The following LMLN variants were observed in gnomAD, a reference collection of about 807,000 sequenced individuals.
The protein encoded by LMLN is leishmanolysin-like peptidase.
Under a neutral mutation model 92.3 loss-of-function variants are expected in LMLN, and 70 were observed. That is an observed-to-expected ratio of 0.76 (90% confidence interval 0.63 to 0.92). The LOEUF (loss-of-function observed/expected upper bound fraction) is 0.92, where lower values mean the gene tolerates loss of function less well. Among genes scored for constraint, LMLN ranks in the 40% least tolerant of loss-of-function variants. The probability of loss-of-function intolerance (pLI) is 0.00; values close to 1 mark genes in which losing one functional copy is unlikely to be tolerated. For synonymous variants in LMLN, 308 were observed against 296.2 expected, an observed-to-expected ratio of 1.04 and a Z score of -0.41; for missense variants, 691 against 814.6, an observed-to-expected ratio of 0.85 and a Z score of 1.85.
intron 11 of LMLN, among the ~76,000 whole-genome samples, chr3:198,016,988 G>T (rs906018748): frequency 4.6e-5 from 7 of 152,148 alleles, no homozygotes; most frequent in Admixed American, 1.3e-4. Context: ...TGAGCATGGT[G>T]GCACATGCTT....
At chr3:198,005,989 C>T (rs1391950040) in intron 11 of LMLN, among the ~76,000 whole-genome samples, 7 of 151,986 alleles carry the variant, frequency 4.6e-5, no homozygotes, top group Non-Finnish European at 1.0e-4. Flanking sequence ...TGGTGGTGGG[C>T]GCCTGTAACC....
intron 9 of LMLN, among the ~76,000 whole-genome samples, chr3:197,992,089 CAAAAAAAAAA>C (rs869163432): frequency 0.011 from 710 of 65,642 alleles, 5 homozygotes; most frequent in African/African-American, 0.025. Flanking sequence ...GACCCTGTCT[CAAAAAAAAAA>C]AAAAAAAGAA....
chr3:198,013,477 CCTAA>C (rs1722514059), intron 11 of LMLN, among the ~76,000 whole-genome samples: 1 of 139,298 alleles, frequency 7.2e-6, no homozygotes, highest in Non-Finnish European at 1.5e-5. Context: ...ATCAGAGCCC[CCTAA>C]CTAGTCTGAC....
chr3:198,015,683 C>T (rs1461068541), intron 11 of LMLN, among the ~76,000 whole-genome samples: 1 of 150,380 alleles, frequency 6.6e-6, no homozygotes, highest in African/African-American at 2.5e-5. Context: ...GACTTCCCTC[C>T]ACCCTTCAGA....
intron 11 of LMLN, among the ~76,000 whole-genome samples, chr3:198,003,610 A>G (rs2109906223): frequency 7.7e-6 from 1 of 129,562 alleles, no homozygotes; most frequent in Non-Finnish European, 1.5e-5. Flanking sequence ...GATACATATC[A>G]TACATAGTAA....
intron 11 of LMLN, among the ~76,000 whole-genome samples, chr3:198,002,567 G>A (rs994309505): frequency 1.1e-4 from 17 of 152,164 alleles, no homozygotes; most frequent in African/African-American, 2.4e-4. Flanking sequence ...GTGAAACCCC[G>A]TCTCTACTAA....
At position 197,995,382 on chromosome 3, in the gene LMLN, G is replaced by A. The variant is rs189430657; in HGVS notation, c.1048-793G>A. On this transcript the variant is annotated intron_variant, in intron 9 of 15. Coordinates refer to ENST00000330198, the Ensembl canonical transcript of LMLN. ...ATATTGGACTGAACAGGAAGTTGAC[G>A]CCACTAACACAATGGAATACTATTC... is the stretch of plus-strand genomic sequence containing the variant. 6.7e-3 allele frequency among the ~76,000 whole-genome samples: 1,026 copies of A among 152,226 alleles called. 5 individuals carry two copies. The highest frequency in any genetic ancestry group is 0.018 in the South Asian group (87 of 4,826).
chr3:197,963,778 T>C (rs1720972176), intron 1 of LMLN, among the ~76,000 whole-genome samples: 1 of 152,202 alleles, frequency 6.6e-6, no homozygotes, highest in Admixed American at 6.5e-5. Flanking sequence ...ATGTATTTTT[T>C]CCCCCTTATT....
intron 8 of LMLN, among the ~76,000 whole-genome samples, chr3:197,988,348 T>C (rs1449234309): frequency 6.6e-6 from 1 of 152,062 alleles, no homozygotes; most frequent in African/African-American, 2.4e-5. Flanking sequence ...TTTATTCTAG[T>C]AAATTATTAT....
At chr3:198,008,544 G>A (rs1162411655) in intron 11 of LMLN, among the ~76,000 whole-genome samples, 1 of 152,116 alleles carries the variant, frequency 6.6e-6, no homozygotes, top group Non-Finnish European at 1.5e-5. Flanking sequence ...TGGACAACAT[G>A]GCGAAAGCCC....
intron 11 of LMLN, among the ~76,000 whole-genome samples, chr3:198,009,622 A>G (rs2109914885): frequency 6.6e-6 from 1 of 152,342 alleles, no homozygotes. Context: ...TGGAAGTCTT[A>G]AAATTGTGAA....
At chr3:198,038,674 A>G in exon 16 of LMLN, 1 of 1,581,830 alleles carries the variant, frequency 6.3e-7, no homozygotes, top group Non-Finnish European at 8.7e-7. Flanking sequence ...CTAGGAATGG[A>G]AAAGTGGATC....
chr3:198,035,647 A>C (rs1723199323), intron 14 of LMLN, among the ~76,000 whole-genome samples, 186 bp from the exon 16 acceptor site: 1 of 152,102 alleles, frequency 6.6e-6, no homozygotes, highest in African/African-American at 2.4e-5. Context: ...GGTGTGAGCC[A>C]CCGCGCCCGG....
intron 11 of LMLN, among the ~76,000 whole-genome samples, chr3:198,017,771 G>C (rs1482343396): frequency 6.6e-6 from 1 of 152,070 alleles, no homozygotes; most frequent in Non-Finnish European, 1.5e-5. Context: ...ACAAAAATTA[G>C]CTGGGTGTAG....
chr3:197,963,139 A>AAGATC (rs1422898484), intron 1 of LMLN, among the ~76,000 whole-genome samples: 14 of 151,898 alleles, frequency 9.2e-5, no homozygotes, highest in Non-Finnish European at 1.3e-4. Context: ...GAGGTGATGC[A>AAGATC]TAATTTTTCT....
intron 9 of LMLN, among the ~76,000 whole-genome samples, chr3:197,992,162 A>G (rs1006374283): frequency 1.3e-5 from 2 of 151,934 alleles, no homozygotes; most frequent in Non-Finnish European, 2.9e-5. Context: ...GTGTGTACAT[A>G]TATATAGATG....
At chr3:198,027,798 A>G (rs1181084305) in intron 14 of LMLN, among the ~76,000 whole-genome samples, 1 of 152,074 alleles carries the variant, frequency 6.6e-6, no homozygotes, top group African/African-American at 2.4e-5. Flanking sequence ...CCTCTTGGCT[A>G]TTGGAGTCTT....
intron 9 of LMLN, among the ~76,000 whole-genome samples, chr3:197,994,282 G>A (rs1721959123): frequency 6.6e-6 from 1 of 152,102 alleles, no homozygotes; most frequent in Non-Finnish European, 1.5e-5. Flanking sequence ...TACATCAGAC[G>A]CAGAAGCCTC....
intron 14 of LMLN, among the ~76,000 whole-genome samples, chr3:198,027,411 G>C (rs1169808540): frequency 2.0e-5 from 3 of 152,008 alleles, no homozygotes; most frequent in Admixed American, 6.6e-5. Context: ...CATTTTAACT[G>C]TTTTTACGTG....
Sources: allele counts gnomAD v4.1 joint callset (sites outside exome capture counted in the v4.1 genomes callset), GRCh38; gene constraint gnomAD v4.1.1; transcripts MANE v1.5; gene names NCBI Gene and HGNC (gene_info 2026-07-23, HGNC 2026-07-21).